The following NF1 variants were observed in gnomAD, a reference collection of about 807,000 sequenced individuals.
The protein encoded by NF1 is neurofibromin 1.
NF1 carries 122 observed loss-of-function variants against 325.7 expected under a neutral mutation model. The observed-to-expected ratio is 0.37, with a 90% confidence interval of 0.32 to 0.44. The LOEUF is 0.44. NF1 is among the 20% of genes least tolerant of loss of function. The pLI is 1.00. For synonymous variants in NF1, 1,091 were observed against 1,186.0 expected, an observed-to-expected ratio of 0.92 and a Z score of 1.65; for missense variants, 2,140 against 3,415.4, an observed-to-expected ratio of 0.63 and a Z score of 9.31.
intron 8 of NF1, among the ~76,000 whole-genome samples, chr17:31,186,575 A>G (rs571781568): frequency 6.6e-6 from 1 of 152,324 alleles, no homozygotes; most frequent in East Asian, 1.9e-4. Flanking sequence ...ATTGGTGACA[A>G]AGAGATTTGA....
At chr17:31,279,262 G>A (rs1336160887) in intron 36 of NF1, among the ~76,000 whole-genome samples, 1 of 152,092 alleles carries the variant, frequency 6.6e-6, no homozygotes, top group African/African-American at 2.4e-5. Context: ...AAAAAATTTT[G>A]TTTTGAAATG....
At chr17:31,323,583 A>T (rs1364756986) in intron 36 of NF1, among the ~76,000 whole-genome samples, 1 of 152,188 alleles carries the variant, frequency 6.6e-6, no homozygotes, top group African/African-American at 2.4e-5. Context: ...TTGGTTGGGC[A>T]GTTATGGTCT....
intron 48 of NF1, 73 bp downstream of exon 48, chr17:31,343,208 A>T: frequency 7.1e-7 from 1 of 1,400,626 alleles, no homozygotes. Context: ...ATAAGTGATT[A>T]CTTGAAATAA....
At chr17:31,130,350 G>T (rs1351771963) in intron 1 of NF1, among the ~76,000 whole-genome samples, 1 of 152,190 alleles carries the variant, frequency 6.6e-6, no homozygotes. Context: ...AAGTGTAGGG[G>T]GTGGCAGTGG....
Position 31,155,210 on chromosome 17 carries a change from T to TATTAA in NF1, c.61-773_61-772insATTAA, listed in dbSNP as rs1460161285. Among the ~76,000 whole-genome samples the TATTAA allele has an allele frequency of 2.6e-5, 4 of 152,202 alleles. No homozygotes were observed. The East Asian group carries it at 7.7e-4, about 29-fold the overall frequency. On this transcript the variant is annotated intron_variant, in intron 1 of 57. Transcript: ENST00000358273. ...GTTTCTCTGTTAGCATTAGCAGGGT[T>TATTAA]TAATATTAACAGTAAGTATGTCCAT...
chr17:31,119,748 A>C (rs1244112274), intron 1 of NF1, among the ~76,000 whole-genome samples: 3 of 152,084 alleles, frequency 2.0e-5, no homozygotes, highest in Non-Finnish European at 4.4e-5. Flanking sequence ...TTTAGGTCTT[A>C]TGTTTAAGTC....
At chr17:31,119,134 C>T (rs563664509) in intron 1 of NF1, among the ~76,000 whole-genome samples, 1 of 151,876 alleles carries the variant, frequency 6.6e-6, no homozygotes, top group Non-Finnish European at 1.5e-5. Flanking sequence ...GTAGAGACAG[C>T]GTTTCACCAT....
chr17:31,316,383 A>G lies in NF1; in HGVS notation c.4836-9437A>G, dbSNP rs186673937. On this transcript the variant is annotated intron_variant, in intron 36 of 57. Coordinates refer to ENST00000358273, the MANE Select transcript of NF1 (RefSeq NM_001042492.3). ...CATTGGATAGTACCATTCTGAGAGTATATGTTTAATAGCCAAGATAGTGAG... is the reference window on the plus strand; with the variant it reads ...CATTGGATAGTACCATTCTGAGAGTGTATGTTTAATAGCCAAGATAGTGAG... 1.1e-3 allele frequency among the ~76,000 whole-genome samples: 163 copies of G among 152,316 alleles called. 3 individuals are homozygous for G. Among genetic ancestry groups the G allele is most frequent in the Non-Finnish European group, 8.8e-5 (6 of 68,020 alleles).
Position 31,359,337 on chromosome 17 carries a change from T to A in NF1, c.8160+322T>A, listed in dbSNP as rs879664065. 9.1e-6 allele frequency: 3 copies of A among 329,728 alleles called. No individual in the cohort carries two copies. In the East Asian group the frequency reaches 1.9e-4, roughly 21 times the overall value. 20.4% of individuals were successfully genotyped at this position (329,728 alleles called of 1,614,324 possible). A position where few individuals can be genotyped will look rare whatever the true frequency, so the allele number is the denominator to read the frequency against. On this transcript the variant is annotated intron_variant, in intron 56 of 57. Coordinates refer to ENST00000358273, the MANE Select transcript of NF1 (RefSeq NM_001042492.3). ...TTAATGCACACAGTTAGATATCTTATGACTAGCAAGGAGCATTACCATGGT... is the reference window on the plus strand; with the variant it reads ...TTAATGCACACAGTTAGATATCTTAAGACTAGCAAGGAGCATTACCATGGT...
intron 36 of NF1, among the ~76,000 whole-genome samples, chr17:31,283,108 A>G (rs2068153408): frequency 6.6e-6 from 1 of 152,142 alleles, no homozygotes; most frequent in Non-Finnish European, 1.5e-5. Context: ...TTTTGTATGT[A>G]ATTATTCAAT....
chr17:31,115,881 A>G (rs960541013), intron 1 of NF1, among the ~76,000 whole-genome samples: 2 of 152,114 alleles, frequency 1.3e-5, no homozygotes, highest in African/African-American at 4.8e-5. Context: ...ATGTATGTAG[A>G]GTTTTTGTTT....
At chr17:31,368,594 A>G (rs755967661) in intron 57 of NF1, among the ~76,000 whole-genome samples, 51 of 152,228 alleles carry the variant, frequency 3.4e-4, no homozygotes, top group Non-Finnish European at 5.0e-4. Context: ...TATTTATATT[A>G]GCTTCACTCA....
rs374770594 is a variant in NF1 at position 31,248,904 on chromosome 17, A to T, written c.3975-80A>T. Reference sequence around the variant, plus strand: ...ACGTTGCACTTGGCTTAATGTCTGTATAAGAGTCTCTTTTAAGGAGTGATT... The same window carrying T: ...ACGTTGCACTTGGCTTAATGTCTGTTTAAGAGTCTCTTTTAAGGAGTGATT... On this transcript the variant is annotated intron_variant, in intron 29 of 57. Transcript: ENST00000358273. 36 of 1,415,976 alleles carry T rather than the reference A, an allele frequency of 2.5e-5. No homozygotes were observed. The African/African-American group carries it at 4.0e-4, about 16-fold the overall frequency. 87.7% of individuals were successfully genotyped at this position (1,415,976 alleles called of 1,614,324 possible).
intron 36 of NF1, among the ~76,000 whole-genome samples, chr17:31,290,494 T>C (rs2068324417): frequency 6.6e-6 from 1 of 152,196 alleles, no homozygotes; most frequent in Non-Finnish European, 1.5e-5. Context: ...CTGTATTATC[T>C]CATTTTCTTC....
intron 1 of NF1, among the ~76,000 whole-genome samples, chr17:31,126,694 A>G (rs1914913293): frequency 6.6e-6 from 1 of 152,092 alleles, no homozygotes; most frequent in Non-Finnish European, 1.5e-5. Flanking sequence ...TACCCACCTC[A>G]GCCTCCCAAA....
At chr17:31,322,094 T>TACACACACACACAC (rs71142046) in intron 36 of NF1, among the ~76,000 whole-genome samples, 4,541 of 147,356 alleles carry the variant, frequency 0.031, 176 homozygotes, top group African/African-American at 0.091. Flanking sequence ...AGTGTGTGTA[T>TACACACACACACAC]ACACACACAC....
intron 5 of NF1, among the ~76,000 whole-genome samples, chr17:31,173,791 CAG>C (rs2065972630): frequency 6.6e-6 from 1 of 152,142 alleles, no homozygotes; most frequent in African/African-American, 2.4e-5. Flanking sequence ...TTTGAGGTAT[CAG>C]TAGGATGTCC....
intron 2 of NF1, 104 bp from the exon 3 acceptor site, chr17:31,158,906 T>G: frequency 1.4e-6 from 1 of 710,248 alleles, no homozygotes; most frequent in East Asian, 2.7e-5. Context: ...GGAGGTAAAA[T>G]GGAAGACTAT....
At chr17:31,103,343 AGTGATTCT>A (rs1174821313) in intron 1 of NF1, among the ~76,000 whole-genome samples, 2 of 152,122 alleles carry the variant, frequency 1.3e-5, no homozygotes, top group Admixed American at 6.5e-5. Context: ...CCCGGGTTCA[AGTGATTCT>A]CCTGCCTCAG....
Sources: allele counts gnomAD v4.1 joint callset (sites outside exome capture counted in the v4.1 genomes callset), GRCh38; gene constraint gnomAD v4.1.1; transcripts MANE v1.5; gene names NCBI Gene and HGNC (gene_info 2026-07-23, HGNC 2026-07-21).